Variants in ZNF423 observed in about 807,000 individuals in gnomAD.
ZNF423 encodes zinc finger protein 423, also known as Ebf-associated zinc finger protein.
Under a neutral mutation model 95.8 loss-of-function variants are expected in ZNF423, and 12 were observed. The observed-to-expected ratio is 0.13, with a 90% CI of 0.08 to 0.20. The LOEUF (loss-of-function observed/expected upper bound fraction) is 0.20, where lower values mean the gene tolerates loss of function less well. ZNF423 is among the 10% of genes least tolerant of loss of function. The pLI, the probability that ZNF423 is intolerant of heterozygous loss-of-function variation, is 1.00. For missense variants in ZNF423, 1,316 were observed against 1,737.1 expected (o/e 0.76, Z 4.31); for synonymous variants, 749 against 711.9 (o/e 1.05, Z -0.83).
At chr16:49,528,429 A>T (rs1436891192) in intron 5 of ZNF423, among the ~76,000 whole-genome samples, 3 of 152,142 alleles carry the variant, frequency 2.0e-5, no homozygotes, top group African/African-American at 7.2e-5. Flanking sequence ...AACCAGTGTC[A>T]AAGTAAGGTT....
At chr16:49,747,673 C>A (rs1020441913) in intron 2 of ZNF423, among the ~76,000 whole-genome samples, 1 of 148,040 alleles carries the variant, frequency 6.8e-6, no homozygotes, top group Non-Finnish European at 1.5e-5. Context: ...AAAAAAAACA[C>A]CATTGCTGAG....
chr16:49,513,809 A>C (rs888038364), intron 7 of ZNF423, among the ~76,000 whole-genome samples: 2 of 152,132 alleles, frequency 1.3e-5, no homozygotes, highest in Admixed American at 1.3e-4. Context: ...GGAGAAACCA[A>C]AGGAAGGAGA....
chr16:49,854,002 A>T, intron 1 of ZNF423: 1 of 985,400 alleles, frequency 1.0e-6, no homozygotes, highest in Non-Finnish European at 1.2e-6. Context: ...TGAAGGAGTG[A>T]GCAGTGAGCC....
chr16:49,568,198 T>C (rs1970251307), intron 5 of ZNF423, among the ~76,000 whole-genome samples: 1 of 152,064 alleles, frequency 6.6e-6, no homozygotes, highest in South Asian at 2.1e-4. Flanking sequence ...TCAGAGCCAA[T>C]TGTAAGAATT....
At chr16:49,750,062 A>G (rs2143562492) in intron 2 of ZNF423, among the ~76,000 whole-genome samples, 1 of 152,316 alleles carries the variant, frequency 6.6e-6, no homozygotes, top group Middle Eastern at 3.4e-3. Context: ...TACCTTGCCG[A>G]ACAGCCCATC....
chr16:49,533,039 G>A (rs766781682), intron 5 of ZNF423, among the ~76,000 whole-genome samples: 12 of 152,274 alleles, frequency 7.9e-5, no homozygotes, highest in South Asian at 2.1e-4. Flanking sequence ...GCCCTTCATC[G>A]CTACTGACCA....
At chr16:49,669,444 A>G (rs2030705667) in intron 3 of ZNF423, among the ~76,000 whole-genome samples, 1 of 152,092 alleles carries the variant, frequency 6.6e-6, no homozygotes. Context: ...GATATGGGGC[A>G]CCCTTCTTTC....
At chr16:49,528,894 T>C (rs1017409201) in intron 5 of ZNF423, among the ~76,000 whole-genome samples, 40 of 152,082 alleles carry the variant, frequency 2.6e-4, no homozygotes, top group African/African-American at 9.4e-4. Flanking sequence ...GCACCATCAC[T>C]CTCACCCCGC....
chr16:49,606,540 C>A (rs1050884795), intron 5 of ZNF423, among the ~76,000 whole-genome samples: 3 of 152,186 alleles, frequency 2.0e-5, no homozygotes, highest in African/African-American at 7.2e-5. Context: ...TGGGGGTTAT[C>A]CCCTCAAGTG....
intron 3 of ZNF423, among the ~76,000 whole-genome samples, chr16:49,651,759 G>A (rs966662145): frequency 6.6e-6 from 1 of 152,012 alleles, no homozygotes; most frequent in Non-Finnish European, 1.5e-5. Flanking sequence ...ATAGTCACTG[G>A]CTACTGGCTC....
intron 2 of ZNF423, among the ~76,000 whole-genome samples, chr16:49,765,453 G>A (rs1439796637): frequency 2.6e-5 from 4 of 152,152 alleles, no homozygotes; most frequent in East Asian, 1.9e-4. Flanking sequence ...GCTCAGGACT[G>A]TAATCCCAGC....
At chr16:49,820,026 GTGGA>G (rs111486773) in intron 1 of ZNF423, among the ~76,000 whole-genome samples, 3,452 of 150,568 alleles carry the variant, frequency 0.023, 99 homozygotes, top group African/African-American at 0.068. Context: ...TGTTGAATAG[GTGGA>G]TGGATGGATG....
At chr16:49,802,325 T>C (rs972774471) in intron 1 of ZNF423, among the ~76,000 whole-genome samples, 2 of 152,130 alleles carry the variant, frequency 1.3e-5, no homozygotes, top group Non-Finnish European at 2.9e-5. Flanking sequence ...CAGGAGACCC[T>C]AAGAAGAGGA....
intron 2 of ZNF423, among the ~76,000 whole-genome samples, chr16:49,747,618 A>G (rs2033552406): frequency 6.6e-6 from 1 of 151,670 alleles, no homozygotes; most frequent in African/African-American, 2.4e-5. Flanking sequence ...TATCCTGGAC[A>G]GTCGTTATTC....
chr16:49,773,725 T>C (rs1321521964), intron 2 of ZNF423, among the ~76,000 whole-genome samples: 4 of 152,218 alleles, frequency 2.6e-5, no homozygotes, highest in Non-Finnish European at 5.9e-5. Flanking sequence ...CTGTGTGACA[T>C]TGGGCAAGAT....
At chr16:49,592,604 G>T (rs1400608873) in intron 5 of ZNF423, among the ~76,000 whole-genome samples, 7 of 152,248 alleles carry the variant, frequency 4.6e-5, no homozygotes, top group Non-Finnish European at 8.8e-5. Context: ...ACGTGAATAA[G>T]ACAGCTCTGT....
At chr16:49,504,187 C>T (rs560809492) in intron 7 of ZNF423, among the ~76,000 whole-genome samples, 9 of 152,278 alleles carry the variant, frequency 5.9e-5, no homozygotes, top group African/African-American at 1.9e-4. Context: ...GTGATGATTG[C>T]ACAACAGTGT....
At chr16:49,595,463 T>C (rs890837553) in intron 5 of ZNF423, among the ~76,000 whole-genome samples, 1 of 152,218 alleles carries the variant, frequency 6.6e-6, no homozygotes, top group Non-Finnish European at 1.5e-5. Flanking sequence ...CAGCTTAGCC[T>C]GACTGATTAA....
intron 6 of ZNF423, among the ~76,000 whole-genome samples, chr16:49,524,251 G>A (rs1255393026): frequency 6.6e-6 from 1 of 152,210 alleles, no homozygotes; most frequent in Non-Finnish European, 1.5e-5. Context: ...CCCACTGCTA[G>A]CAAGTGGCAG....
Sources: gnomAD v4.1 joint callset for allele counts (sites outside exome capture counted in the v4.1 genomes callset) on GRCh38, gnomAD v4.1.1 for gene constraint, MANE v1.5 for transcripts, NCBI Gene and HGNC (gene_info 2026-07-23, HGNC 2026-07-21) for gene names.